Variants in NTN1 observed in about 807,000 individuals in gnomAD.
The protein encoded by NTN1 is netrin-1.
In NTN1, 11 loss-of-function variants were observed where a neutral mutation model predicts 54.2. That is an observed-to-expected ratio of 0.20 (90% CI 0.13 to 0.34). The LOEUF (loss-of-function observed/expected upper bound fraction) is 0.34, where lower values mean the gene tolerates loss of function less well. Ranked by LOEUF, NTN1 falls within the 10% of genes least tolerant of loss-of-function variation. NTN1 has a pLI of 1.00. For synonymous variants in NTN1, 371 were observed against 382.0 expected (o/e 0.97, Z 0.33); for missense variants, 740 against 893.1 (o/e 0.83, Z 2.18).
At chr17:9,205,659 A>T (rs1904948094) in intron 5 of NTN1, among the ~76,000 whole-genome samples, 1 of 152,088 alleles carries the variant, frequency 6.6e-6, no homozygotes, top group South Asian at 2.1e-4. Context: ...CTGCATTGCG[A>T]TGGGGGGAGG....
At chr17:9,151,952 G>A (rs908871227) in intron 2 of NTN1, among the ~76,000 whole-genome samples, 1 of 152,168 alleles carries the variant, frequency 6.6e-6, no homozygotes, top group African/African-American at 2.4e-5. Context: ...ATCAGCCCGA[G>A]TCTAAAAGTA....
intron 2 of NTN1, among the ~76,000 whole-genome samples, chr17:9,118,468 C>T (rs181381922): frequency 2.0e-5 from 3 of 152,214 alleles, no homozygotes; most frequent in East Asian, 1.9e-4. Flanking sequence ...GCTGAGATGG[C>T]GCCATTGCAC....
rs1324929052 is a variant in NTN1, at chr17:9,221,261, G to A, written c.1486+19G>A. On this transcript the variant is annotated intron_variant, in intron 6 of 6. Transcript: ENST00000173229. The surrounding 1 kb of genome is among the most constrained non-coding windows in gnomAD (Gnocchi z 4.5). ...GACTATGGTGAGTGAGAGTCCCCTT[G>A]TCTGGGGAGGATGGGAGGGGGCCAC... 6.3e-7 allele frequency: 1 copy of A among 1,596,360 alleles called. No individual in the cohort carries two copies. Among genetic ancestry groups the A allele is most frequent in the East Asian group, 2.2e-5 (1 of 44,776 alleles).
chr17:9,011,592 G>T, the NTN1 span, among the ~76,000 whole-genome samples: 5 of 151,940 alleles, frequency 3.3e-5, no homozygotes, highest in South Asian at 6.2e-4. Context: ...GATATCTTTT[G>T]GGGGGGCATT....
At chr17:9,220,515 C>T (rs1905309335) in intron 5 of NTN1, among the ~76,000 whole-genome samples, 1 of 152,104 alleles carries the variant, frequency 6.6e-6, no homozygotes, top group Non-Finnish European at 1.5e-5. Flanking sequence ...GTGCCCTCCA[C>T]ATCCTGCTTG....
At chr17:9,178,209 A>T (rs951061700) in intron 3 of NTN1, among the ~76,000 whole-genome samples, 3 of 152,182 alleles carry the variant, frequency 2.0e-5, no homozygotes, top group Admixed American at 6.5e-5. Context: ...AAGAAAAGAA[A>T]AACAACCCAG....
At chr17:9,010,286 T>C in the NTN1 span, among the ~76,000 whole-genome samples, 3 of 152,222 alleles carry the variant, frequency 2.0e-5, no homozygotes, top group African/African-American at 4.8e-5. Flanking sequence ...TTCTCTCAAA[T>C]GCCCAGGAGG....
In NTN1 at chr17:9,221,290, AC is replaced by A; in HGVS notation, c.1486+50del. 6.8e-7 allele frequency: 1 copy of A among 1,470,558 alleles called. No homozygotes were observed. The highest frequency in any genetic ancestry group is 9.5e-7 in the Non-Finnish European group (1 of 1,049,908). 91.1% of individuals were successfully genotyped at this position (1,470,558 alleles called of 1,614,324 possible). On this transcript the variant is annotated intron_variant, in intron 6 of 6. Coordinates refer to ENST00000173229, the MANE Select transcript of NTN1 (RefSeq NM_004822.3). The surrounding 1 kb of genome is among the most constrained non-coding windows in gnomAD (Gnocchi z 4.5). ...GGGGAGGATGGGAGGGGGCCACGTG[AC>A]CAGCGAGGTGCTGGGGCTGGGGTGC...
chr17:9,046,117 G>C (rs567864687), intron 2 of NTN1, among the ~76,000 whole-genome samples: 1 of 152,310 alleles, frequency 6.6e-6, no homozygotes. Context: ...CAACCCATGG[G>C]ATGGGGGAAA....
At chr17:9,173,963 G>A (rs1196398167) in intron 3 of NTN1, 2 of 152,364 alleles carry the variant, frequency 1.3e-5, no homozygotes, top group Admixed American at 6.5e-5. Flanking sequence ...TGGAACAGAG[G>A]GCACCCCCTG....
chr17:9,239,887 G>A lies in NTN1; in HGVS notation c.1734G>A (p.Val578=), dbSNP rs1427629385. Residue 578 remains valine, a synonymous_variant, in exon 7 of 7, where the codon GTG becomes GTA. Transcript: ENST00000173229. This position sits in a 1 kb window ranked among gnomAD's most constrained non-coding sequence, Gnocchi z 5.2. The part of the protein sequence containing the change: ...SGIVADKSSL[V]IQWRDTWARR... The stretch of plus-strand genomic sequence containing the variant: ...TCGTGGCCGATAAAAGCAGCCTGGT[G>A]ATCCAGTGGCGGGACACGTGGGCGC... 1 of 1,608,306 alleles carries A rather than the reference G, an allele frequency of 6.2e-7. No homozygotes were observed. Among genetic ancestry groups the A allele is most frequent in the East Asian group, 2.2e-5 (1 of 44,638 alleles).
intron 2 of NTN1, among the ~76,000 whole-genome samples, chr17:9,030,276 C>T (rs1273833700): frequency 6.6e-6 from 1 of 152,196 alleles, no homozygotes; most frequent in African/African-American, 2.4e-5. Flanking sequence ...AAAGGGGTAC[C>T]TATGGTTCAG....
chr17:9,150,392 C>T (rs911697222), intron 2 of NTN1, among the ~76,000 whole-genome samples: 1 of 152,158 alleles, frequency 6.6e-6, no homozygotes, highest in Non-Finnish European at 1.5e-5. Flanking sequence ...TTTGGGGTGG[C>T]GGGCTGGTTG....
chr17:9,159,984 G>C (rs769527699), intron 2 of NTN1, among the ~76,000 whole-genome samples: 13 of 152,154 alleles, frequency 8.5e-5, no homozygotes, highest in Non-Finnish European at 1.8e-4. Context: ...ATTTATAATA[G>C]TGAAAAATGG....
intron 2 of NTN1, among the ~76,000 whole-genome samples, chr17:9,152,295 C>T (rs1016832892): frequency 3.3e-5 from 5 of 152,200 alleles, no homozygotes; most frequent in Non-Finnish European, 7.3e-5. Flanking sequence ...AATCCCCCTG[C>T]TGTGCCACCG....
At chr17:9,196,863 TTGG>T (rs935436029) in intron 5 of NTN1, among the ~76,000 whole-genome samples, 28 of 152,206 alleles carry the variant, frequency 1.8e-4, no homozygotes, top group African/African-American at 5.8e-4. Context: ...CATGTGAAAC[TTGG>T]TGGTGTTGGA....
chr17:9,026,945 G>A (rs986260115), intron 2 of NTN1, among the ~76,000 whole-genome samples: 8 of 138,290 alleles, frequency 5.8e-5, no homozygotes, highest in African/African-American at 8.4e-5. Context: ...GACGAGCACC[G>A]TGCTGGGTTG....
intron 5 of NTN1, among the ~76,000 whole-genome samples, chr17:9,205,179 A>G (rs1375561323): frequency 6.6e-6 from 1 of 152,108 alleles, no homozygotes; most frequent in Admixed American, 6.5e-5. Flanking sequence ...ACACCACTTT[A>G]TCTCCTAAAG....
chr17:9,087,787 G>C (rs1260944299), intron 2 of NTN1, among the ~76,000 whole-genome samples: 2 of 151,224 alleles, frequency 1.3e-5, no homozygotes, highest in Non-Finnish European at 2.9e-5. Context: ...TAGCTTTCAC[G>C]AACGGCTTTC....
Sources: allele counts gnomAD v4.1 joint callset (sites outside exome capture counted in the v4.1 genomes callset), GRCh38; gene constraint gnomAD v4.1.1; non-coding constraint Gnocchi (gnomAD v3.1); transcripts MANE v1.5; gene names NCBI Gene and HGNC (gene_info 2026-07-23, HGNC 2026-07-21).